Variants in DOP1A observed in about 807,000 individuals in gnomAD.
DOP1A encodes the protein protein DOP1A.
Under a neutral mutation model 267.6 loss-of-function variants are expected in DOP1A, and 90 were observed. That is an observed-to-expected ratio of 0.34 (90% confidence interval 0.28 to 0.40). DOP1A has a LOEUF of 0.40. Among genes scored for constraint, DOP1A ranks in the 10% least tolerant of loss-of-function variants. The pLI, the probability that DOP1A is intolerant of heterozygous loss-of-function variation, is 1.00. For missense variants in DOP1A, 2,437 were observed against 2,900.4 expected (o/e 0.84, Z 3.67); for synonymous variants, 932 against 999.1 (o/e 0.93, Z 1.27).
rs1779057380 is a variant in DOP1A at position 83,137,640 on chromosome 6, T to G, written c.3598T>G (p.Ser1200Ala). The change falls in exon 21 of 39, where the codon TCC becomes GCC. Residue 1200 changes from serine to alanine, a missense_variant. Physicochemically the swap from Ser to Ala is moderately conservative, Grantham distance 99. This residue lies in a region of DOP1A where 878 missense variants were observed against 992.9 expected (regional missense o/e 0.88). Transcript: ENST00000349129. ...AGAGACGATTAAAATTGAAGATGAC[T>G]CCATTCAACAGAGTCAGAATGCTTT... is the stretch of plus-strand genomic sequence containing the variant. ...DEETIKIEDD[S>A]IQQSQNALLS... 4 of 1,613,678 alleles carry G rather than the reference T, an allele frequency of 2.5e-6. No individual in the cohort carries two copies. Among genetic ancestry groups the G allele is most frequent in the Admixed American group, 3.3e-5 (2 of 59,946 alleles).
intron 10 of DOP1A, 94 bp from the exon 11 acceptor site, chr6:83,121,836 T>C: frequency 7.7e-7 from 1 of 1,293,044 alleles, no homozygotes; most frequent in African/African-American, 1.5e-5. Context: ...AAAATACTTG[T>C]TTTTAAAACA....
In DOP1A at chr6:83,137,349, A is replaced by G. The variant is rs1327995975; in HGVS notation, c.3307A>G (p.Ile1103Val). The G allele has an allele frequency of 3.7e-6, 6 of 1,613,868 alleles. No individual in the cohort carries two copies. The highest frequency in any genetic ancestry group is 5.1e-6 in the Non-Finnish European group (6 of 1,179,830). Residue 1103 changes from isoleucine (I) to valine (V), a missense_variant, in exon 21 of 39, where the codon ATA becomes GTA. Physicochemically the swap from Ile to Val is conservative, Grantham distance 29. Around this residue, in one of 9 missense-constraint regions of DOP1A, gnomAD observed 878 missense variants for 992.9 expected, o/e 0.88. Transcript: ENST00000349129. ...VSDFDLPDQQ[I>V]EILQSSDSGC... The stretch of plus-strand genomic sequence containing the variant: ...TGATTTTGATCTTCCAGACCAACAG[A>G]TAGAAATACTTCAGAGTTCTGACTC...
At chr6:83,112,684 C>T (rs1461127275) in intron 6 of DOP1A, among the ~76,000 whole-genome samples, 1 of 152,110 alleles carries the variant, frequency 6.6e-6, no homozygotes, top group Non-Finnish European at 1.5e-5. Flanking sequence ...AGGCTGATCT[C>T]CAACTCCTGA....
chr6:83,153,610 A>G lies in DOP1A; in HGVS notation c.6229A>G (p.Arg2077Gly). 6.3e-7 allele frequency: 1 copy of G among 1,592,868 alleles called. No individual in the cohort carries two copies. Among genetic ancestry groups the G allele is most frequent in the Non-Finnish European group, 8.6e-7 (1 of 1,169,080 alleles). ...NIMHYVVPYLRNHSAHNAPSY... is the reference protein window; with the variant it reads ...NIMHYVVPYLGNHSAHNAPSY... ...TATGCATTATGTTGTGCCCTACCTC[A>G]GAAATCACAGGTACTATCATTATTT... The change falls in exon 31 of 39, where the codon AGA (arginine) becomes GGA (glycine). Residue 2077 changes from arginine (R) to glycine (G), a missense_variant. Arg to Gly is a moderately radical substitution (Grantham distance 125). This residue lies in a region of DOP1A where 216 missense variants were observed against 283.3 expected (regional missense o/e 0.76). Coordinates refer to ENST00000349129, the MANE Select transcript of DOP1A (RefSeq NM_015018.4).
At chr6:83,162,946 G>A (rs1244750077) in intron 38 of DOP1A, 27 bp downstream of exon 38, 1 of 1,601,412 alleles carries the variant, frequency 6.2e-7, no homozygotes, top group South Asian at 1.1e-5. Context: ...TGATTGTTTT[G>A]TTTTACATCA....
At chr6:83,124,679 T>TAATAAAGTG (rs1418292288) in intron 12 of DOP1A, 26 bp from the exon 13 acceptor site, 4 of 1,543,020 alleles carry the variant, frequency 2.6e-6, no homozygotes, top group Non-Finnish European at 3.6e-6. Context: ...ACAGTATACT[T>TAATAAAGTG]AATAAAGTGA....
chr6:83,096,592 AGAG>A (rs1386147309), intron 1 of DOP1A, 136 bp from the exon 2 acceptor site: 6 of 393,902 alleles, frequency 1.5e-5, no homozygotes, highest in African/African-American at 1.0e-4. Context: ...AAAACAAAGT[AGAG>A]GAGCATATAT....
chr6:83,132,439 A>C (rs1398540714), intron 18 of DOP1A, 111 bp downstream of exon 18: 2 of 1,194,312 alleles, frequency 1.7e-6, no homozygotes, highest in Non-Finnish European at 2.3e-6. Context: ...ACATCGGAGT[A>C]AGAGAAAATA....
intron 20 of DOP1A, among the ~76,000 whole-genome samples, chr6:83,136,492 G>C (rs947288319): frequency 6.6e-6 from 1 of 152,044 alleles, no homozygotes; most frequent in Non-Finnish European, 1.5e-5. Context: ...CAAACCCTGT[G>C]GTGGTAATGA....
intron 1 of DOP1A, among the ~76,000 whole-genome samples, chr6:83,074,341 C>T (rs1400346754): frequency 6.6e-6 from 1 of 151,974 alleles, no homozygotes; most frequent in Non-Finnish European, 1.5e-5. Context: ...GGAGGAAATA[C>T]CACATTTTAC....
intron 10 of DOP1A, among the ~76,000 whole-genome samples, chr6:83,121,028 A>G (rs972373066): frequency 1.3e-5 from 2 of 151,888 alleles, no homozygotes; most frequent in Non-Finnish European, 3.0e-5. Flanking sequence ...TAAAGATGCT[A>G]TCTAAGCTTC....
At position 83,138,916 on chromosome 6, in the gene DOP1A, C is replaced by G. The variant is rs1212747588; in HGVS notation, c.4874C>G (p.Ser1625Cys). ...ATCAGTCCCCATCAACCCATGACTT[C>G]TCTTCAGTATTTGCATGCTCAGCCA... ...EHISPHQPMTSLQYLHAQPIT... is the reference protein window; with the variant it reads ...EHISPHQPMTCLQYLHAQPIT... The change falls in exon 21 of 39, where the codon TCT becomes TGT. Residue 1625 changes from serine to cysteine, a missense_variant. Ser to Cys is a moderately radical substitution (Grantham distance 112). Transcript: ENST00000349129. 1.2e-6 allele frequency: 2 copies of G among 1,614,096 alleles called. No individual in the cohort carries two copies. The highest frequency in any genetic ancestry group is 8.5e-7 in the Non-Finnish European group (1 of 1,179,974).
intron 14 of DOP1A, 129 bp from the exon 15 acceptor site, chr6:83,125,371 T>C (rs1391444530): frequency 5.9e-6 from 6 of 1,019,536 alleles, no homozygotes; most frequent in Non-Finnish European, 4.2e-6. Flanking sequence ...ATATACAGTG[T>C]TAATTAAGAG....
At chr6:83,125,143 T>G in intron 13 of DOP1A, 23 bp from the exon 14 acceptor site, 1 of 1,577,714 alleles carries the variant, frequency 6.3e-7, no homozygotes, top group African/African-American at 1.4e-5. Context: ...CTCTCCTCAC[T>G]TCTTTGCTTT....
At chr6:83,098,485 A>C (rs1425165526) in intron 3 of DOP1A, among the ~76,000 whole-genome samples, 1 of 152,110 alleles carries the variant, frequency 6.6e-6, no homozygotes, top group African/African-American at 2.4e-5. Flanking sequence ...TTTTGATGCC[A>C]ATCACAAGCC....
chr6:83,170,263 C>T (rs1583245404), downstream of DOP1A: 11 of 1,584,250 alleles, frequency 6.9e-6, 1 homozygote, highest in African/African-American at 6.7e-5. Flanking sequence ...CTGCCCATCA[C>T]CTAATATTAG....
chr6:83,122,049 A>G lies in DOP1A; in HGVS notation c.1219A>G (p.Ser407Gly). 3 of 1,608,532 alleles carry G rather than the reference A, an allele frequency of 1.9e-6. No individual in the cohort carries two copies. The highest frequency in any genetic ancestry group is 2.5e-6 in the Non-Finnish European group (3 of 1,177,044). Reference sequence around the variant, plus strand: ...CAGCAAGGATCATGCTCAGTTAAGCAGGTGGATTATCAAAAAATTAAATGT... The same window carrying G: ...CAGCAAGGATCATGCTCAGTTAAGCGGGTGGATTATCAAAAAATTAAATGT... ...PFSKDHAQLS[S>G]KLRENKKTAE... The change falls in exon 11 of 39, where the codon AGT becomes GGT. Residue 407 changes from serine (S) to glycine (G), a missense_variant and splice_region_variant. Transcript: ENST00000349129.
At chr6:83,169,772 G>T, downstream of DOP1A, 1 of 457,712 alleles carries the variant, frequency 2.2e-6, no homozygotes, top group Non-Finnish European at 4.4e-6. Flanking sequence ...CTTTGCCCTG[G>T]CTTTGCACAC....
At chr6:83,074,975 C>T (rs1316541186) in intron 1 of DOP1A, among the ~76,000 whole-genome samples, 1 of 152,154 alleles carries the variant, frequency 6.6e-6, no homozygotes, top group Non-Finnish European at 1.5e-5. Context: ...GAAAAGACTC[C>T]TTTTCCTGGG....
Sources: gnomAD v4.1 joint callset for allele counts (sites outside exome capture counted in the v4.1 genomes callset) on GRCh38, gnomAD v4.1.1 for gene constraint, gnomAD v4.1.1 regional missense constraint, MANE v1.5 for transcripts, NCBI Gene and HGNC (gene_info 2026-07-23, HGNC 2026-07-21) for gene names.